Variants in CPS1 observed in about 807,000 individuals in gnomAD.
CPS1 encodes carbamoyl-phosphate synthase 1, also known as carbamoyl-phosphate synthase [ammonia], mitochondrial.
In CPS1, 109 loss-of-function variants were observed where a neutral mutation model predicts 174.6. The ratio of observed to expected loss-of-function variants is 0.62; its 90% CI spans 0.53 to 0.73. The LOEUF (loss-of-function observed/expected upper bound fraction) is 0.73. CPS1 is among the 30% of genes least tolerant of loss of function. The pLI, the probability that CPS1 is intolerant of heterozygous loss-of-function variation, is 0.00. For synonymous variants in CPS1, 637 were observed against 632.0 expected, an observed-to-expected ratio of 1.01 and a Z score of -0.12; for missense variants, 1,689 against 1,821.9, an observed-to-expected ratio of 0.93 and a Z score of 1.33.
At chr2:210,578,088 C>T (rs1021520091) in intron 4 of CPS1, among the ~76,000 whole-genome samples, 2 of 152,058 alleles carry the variant, frequency 1.3e-5, no homozygotes, top group African/African-American at 4.8e-5. Flanking sequence ...CTTTATCTTA[C>T]ACTTTTAGTT....
chr2:210,497,702 G>A (rs952729686), intron 1 of CPS1, among the ~76,000 whole-genome samples: 7 of 151,724 alleles, frequency 4.6e-5, no homozygotes, highest in African/African-American at 7.3e-5. Flanking sequence ...CTGCATCCAC[G>A]TTGCTGGAAA....
rs1401935320 is a variant in CPS1 at position 210,602,570 on chromosome 2, A to C, written c.1836+240A>C. Among the ~76,000 whole-genome samples the C allele has an allele frequency of 2.0e-5, 3 of 151,962 alleles. No homozygotes were observed. In the East Asian group the frequency reaches 5.8e-4, roughly 30 times the overall value. ...GTAAACCAGTGGTCACTTTACCTCA[A>C]ATTCCACTTTTATAGTACAATCTAT... On this transcript the variant is annotated intron_variant, in intron 16 of 37. Coordinates refer to ENST00000233072, the MANE Select transcript of CPS1 (RefSeq NM_001875.5).
chr2:210,601,266 A>G (rs971518501), intron 15 of CPS1, among the ~76,000 whole-genome samples: 2 of 152,062 alleles, frequency 1.3e-5, no homozygotes, highest in East Asian at 3.9e-4. Flanking sequence ...AGGAAAAAGA[A>G]TCAACTCACT....
intron 1 of CPS1, among the ~76,000 whole-genome samples, chr2:210,507,890 G>T (rs962730331): frequency 1.3e-5 from 2 of 150,602 alleles, no homozygotes; most frequent in African/African-American, 4.8e-5. Context: ...AGTCCTTAGA[G>T]ACCTACAAAG....
At chr2:210,549,823 A>G (rs1314734469) in intron 1 of CPS1, among the ~76,000 whole-genome samples, 1 of 152,066 alleles carries the variant, frequency 6.6e-6, no homozygotes. Context: ...GTTTCCTGAT[A>G]TACAATGTCT....
chr2:210,551,270 C>T (rs1458490852), intron 1 of CPS1, among the ~76,000 whole-genome samples: 1 of 152,018 alleles, frequency 6.6e-6, no homozygotes, highest in Non-Finnish European at 1.5e-5. Context: ...CACTGTTCTT[C>T]TCATTTCACA....
In CPS1 at chr2:210,626,299, A is replaced by C. The variant is rs1174011737; in HGVS notation, c.2687+9758A>C. ...ATTTGTATGATAATATAACAAATAAACTTTCTTGGTAGAAAGTGAAAATCA... is the reference window on the plus strand; with the variant it reads ...ATTTGTATGATAATATAACAAATAACCTTTCTTGGTAGAAAGTGAAAATCA... On this transcript the variant is annotated intron_variant, in intron 21 of 37. Coordinates refer to ENST00000233072, the MANE Select transcript of CPS1 (RefSeq NM_001875.5). Among the ~76,000 whole-genome samples, 5 of 152,144 alleles carry C rather than the reference A, an allele frequency of 3.3e-5. No homozygotes were observed. In the East Asian group the frequency reaches 7.7e-4, roughly 23 times the overall value.
At chr2:210,484,341 A>G (rs1375157041) in intron 1 of CPS1, among the ~76,000 whole-genome samples, 1 of 152,190 alleles carries the variant, frequency 6.6e-6, no homozygotes, top group East Asian at 1.9e-4. Context: ...CCAGAAAGAA[A>G]AGAGGTTGCA....
At chr2:210,536,751 T>C (rs1696265707) in intron 1 of CPS1, among the ~76,000 whole-genome samples, 2 of 152,216 alleles carry the variant, frequency 1.3e-5, no homozygotes, top group Admixed American at 1.3e-4. Context: ...AATAACACTT[T>C]TGTAGAGAAC....
chr2:210,594,467 A>C (rs1435343323), intron 11 of CPS1, 41 bp from the exon 12 acceptor site: 1 of 1,388,352 alleles, frequency 7.2e-7, no homozygotes, highest in Non-Finnish European at 1.0e-6. Context: ...TGAACTTAGG[A>C]ATTTTGAAGC....
chr2:210,628,719 G>GC (rs1699768510), intron 21 of CPS1, among the ~76,000 whole-genome samples: 1 of 151,934 alleles, frequency 6.6e-6, no homozygotes, highest in Non-Finnish European at 1.5e-5. Flanking sequence ...AGAATCGCCT[G>GC]AACTGGGGAG....
chr2:210,495,780 G>A (rs1215333012), intron 1 of CPS1, among the ~76,000 whole-genome samples: 1 of 152,120 alleles, frequency 6.6e-6, no homozygotes. Context: ...AACTTGCAAT[G>A]TTTGCTTTGC....
chr2:210,639,214 A>G lies in CPS1; in HGVS notation c.2894A>G (p.Gln965Arg). ...TATCTCTATGTTACCTACAATGGTC[A>G]GGTAGGAATGGGCAAATTGGCCTAT... ...TNYLYVTYNG[Q>R]EHDVNFDDHG... The change falls in exon 23 of 38, where the codon CAG (glutamine) becomes CGG (arginine). Residue 965 changes from glutamine to arginine, a missense_variant and splice_region_variant. By Grantham distance (43) the Gln-to-Arg change is conservative (BLOSUM62 1). Transcript: ENST00000233072. The G allele has an allele frequency of 6.2e-7, 1 of 1,610,854 alleles. No individual in the cohort carries two copies. The highest frequency in any genetic ancestry group is 8.5e-7 in the Non-Finnish European group (1 of 1,177,228).
In CPS1 at chr2:210,592,938, G is replaced by A. The variant is rs773257710; in HGVS notation, c.1146G>A (p.Pro382=). The A allele has an allele frequency of 1.1e-5, 18 of 1,611,906 alleles. No homozygotes were observed. The highest frequency in any genetic ancestry group is 4.5e-5 in the East Asian group (2 of 44,780). Residue 382 remains proline, a synonymous_variant, in exon 11 of 38, where the codon CCG becomes CCA. Transcript: ENST00000233072. ...TGCAGTTCCACCCAGAGGTCACCCC[G>A]GGGCCAATAGACACTGAGGTACGTC... ...FAVQFHPEVT[P]GPIDTEYLFD... is the part of the protein sequence containing the mutation.
intron 28 of CPS1, among the ~76,000 whole-genome samples, chr2:210,652,121 G>A (rs954770771): frequency 3.9e-5 from 6 of 152,174 alleles, no homozygotes; most frequent in African/African-American, 1.2e-4. Flanking sequence ...CATTGTGGGA[G>A]TAGGAGGAAG....
At chr2:210,603,203 A>G (rs1196087557) in intron 16 of CPS1, among the ~76,000 whole-genome samples, 2 of 151,934 alleles carry the variant, frequency 1.3e-5, no homozygotes, top group African/African-American at 4.8e-5. Flanking sequence ...TGACAGAATT[A>G]CTGTAAGGGC....
At position 210,612,109 on chromosome 2, in the gene CPS1, T is replaced by A; in HGVS notation, c.2392-8T>A. Reference sequence around the variant, plus strand: ...CTTTCAATATGAGGTCTTAAACATGTATTACAGGTCATGGCTATTGGTCGT... The same window carrying A: ...CTTTCAATATGAGGTCTTAAACATGAATTACAGGTCATGGCTATTGGTCGT... On this transcript the variant is annotated splice_region_variant and splice_polypyrimidine_tract_variant and intron_variant, in intron 19 of 37. Coordinates refer to ENST00000233072, the MANE Select transcript of CPS1 (RefSeq NM_001875.5). 1 of 1,611,350 alleles carries A rather than the reference T, an allele frequency of 6.2e-7. No individual in the cohort carries two copies. The highest frequency in any genetic ancestry group is 8.5e-7 in the Non-Finnish European group (1 of 1,178,114).
intron 1 of CPS1, among the ~76,000 whole-genome samples, chr2:210,497,889 C>CATATATATAT (rs1401841718): frequency 0.01 from 657 of 62,966 alleles, 15 homozygotes; most frequent in African/African-American, 0.026. Flanking sequence ...ACAATATATA[C>CATATATATAT]ATACATATAT....
At chr2:210,587,871 A>G (rs1190558153) in intron 6 of CPS1, among the ~76,000 whole-genome samples, 187 bp from the exon 7 acceptor site, 1 of 135,344 alleles carries the variant, frequency 7.4e-6, no homozygotes, top group Non-Finnish European at 1.7e-5. Context: ...CTCATAAAAA[A>G]GATACAGTCT....
Sources: allele counts gnomAD v4.1 joint callset (sites outside exome capture counted in the v4.1 genomes callset), GRCh38; gene constraint gnomAD v4.1.1; transcripts MANE v1.5; gene names NCBI Gene and HGNC (gene_info 2026-07-23, HGNC 2026-07-21).